Variants in SGCZ observed in about 807,000 individuals in gnomAD.
SGCZ encodes the protein zeta-sarcoglycan.
SGCZ carries 40 observed loss-of-function variants against 41.3 expected under a neutral mutation model. That is an observed-to-expected ratio of 0.97 (90% CI 0.75 to 1.26). The LOEUF (loss-of-function observed/expected upper bound fraction) is 1.26. Ranked by LOEUF, SGCZ falls within the 50% of genes most tolerant of loss-of-function variation. The pLI, the probability that SGCZ is intolerant of heterozygous loss-of-function variation, is 0.00. For synonymous variants in SGCZ, 206 were observed against 137.5 expected (o/e 1.50, Z -3.49); for missense variants, 552 against 369.8 (o/e 1.49, Z -4.04).
chr8:14,996,181 G>T (rs932274147), intron 1 of SGCZ, among the ~76,000 whole-genome samples: 1 of 152,094 alleles, frequency 6.6e-6, no homozygotes, highest in East Asian at 1.9e-4. Context: ...GGGATTACAG[G>T]CATGAGCCAC....
chr8:14,923,925 C>A (rs1247174286), intron 1 of SGCZ, among the ~76,000 whole-genome samples: 1 of 152,128 alleles, frequency 6.6e-6, no homozygotes, highest in Non-Finnish European at 1.5e-5. Flanking sequence ...TCAACAAATA[C>A]AGAAAGAAGC....
chr8:14,940,913 G>A (rs1376915331), intron 1 of SGCZ, among the ~76,000 whole-genome samples: 1 of 151,888 alleles, frequency 6.6e-6, no homozygotes, highest in Admixed American at 6.6e-5. Context: ...AGATTAATAC[G>A]AAAATGGCAT....
At chr8:15,090,642 A>T (rs1223373539) in intron 1 of SGCZ, among the ~76,000 whole-genome samples, 1 of 152,210 alleles carries the variant, frequency 6.6e-6, no homozygotes, top group African/African-American at 2.4e-5. Context: ...ATTAATCAAG[A>T]CTTCCATCTG....
At chr8:14,310,845 C>A (rs530213828) in intron 3 of SGCZ, among the ~76,000 whole-genome samples, 1 of 152,078 alleles carries the variant, frequency 6.6e-6, no homozygotes, top group Admixed American at 6.6e-5. Flanking sequence ...TTCGGAAAAA[C>A]CAGTAGTAGC....
At chr8:14,337,709 T>A (rs1038086694) in intron 2 of SGCZ, among the ~76,000 whole-genome samples, 5 of 152,090 alleles carry the variant, frequency 3.3e-5, no homozygotes, top group Non-Finnish European at 4.4e-5. Flanking sequence ...ACAGAGGACA[T>A]GCCAATTATC....
chr8:15,178,527 C>T (rs758459436), intron 1 of SGCZ, among the ~76,000 whole-genome samples: 2 of 152,144 alleles, frequency 1.3e-5, no homozygotes, highest in Non-Finnish European at 2.9e-5. Flanking sequence ...TAGAAACTAC[C>T]TGTGCCCCTT....
At chr8:14,247,859 G>C (rs1799159380) in intron 3 of SGCZ, among the ~76,000 whole-genome samples, 1 of 152,198 alleles carries the variant, frequency 6.6e-6, no homozygotes, top group Non-Finnish European at 1.5e-5. Flanking sequence ...AGGTCAAAGA[G>C]ACTGCATGTT....
intron 1 of SGCZ, among the ~76,000 whole-genome samples, chr8:14,875,045 G>C (rs1175300387): frequency 6.6e-6 from 1 of 152,110 alleles, no homozygotes; most frequent in Admixed American, 6.6e-5. Flanking sequence ...TGTGTGTATT[G>C]CTATAACAAA....
intron 1 of SGCZ, among the ~76,000 whole-genome samples, chr8:14,562,952 C>T (rs548906917): frequency 6.6e-6 from 1 of 152,140 alleles, no homozygotes; most frequent in Non-Finnish European, 1.5e-5. Flanking sequence ...GTCAACTGGG[C>T]TACCCAAAGG....
At chr8:14,829,502 G>A (rs1303204476) in intron 1 of SGCZ, among the ~76,000 whole-genome samples, 1 of 152,062 alleles carries the variant, frequency 6.6e-6, no homozygotes, top group East Asian at 1.9e-4. Context: ...ACATCAATAG[G>A]AAAGTAAGTT....
At chr8:15,034,789 A>T (rs200241424) in intron 1 of SGCZ, among the ~76,000 whole-genome samples, 4 of 40,562 alleles carry the variant, frequency 9.9e-5, no homozygotes, top group East Asian at 1.4e-3. Context: ...TTTACAGACA[A>T]GAGAGAGTGG....
At chr8:14,318,171 G>A (rs1408548403) in intron 3 of SGCZ, among the ~76,000 whole-genome samples, 2 of 151,116 alleles carry the variant, frequency 1.3e-5, no homozygotes, top group African/African-American at 4.9e-5. Flanking sequence ...AAGAAAGAAA[G>A]AAAGAAAGAA....
At chr8:14,582,339 A>G (rs184575064) in intron 1 of SGCZ, among the ~76,000 whole-genome samples, 5 of 152,088 alleles carry the variant, frequency 3.3e-5, no homozygotes, top group African/African-American at 1.2e-4. Flanking sequence ...AGCACCCCTA[A>G]CCCTGTTGTT....
At chr8:14,119,927 GGATAAACTTTTT>G (rs1802647853) in intron 5 of SGCZ, among the ~76,000 whole-genome samples, 1 of 152,092 alleles carries the variant, frequency 6.6e-6, no homozygotes, top group Admixed American at 6.5e-5. Flanking sequence ...TGATTGTGGT[GGATAAACTTTTT>G]GATGTGCTGC....
chr8:14,253,514 T>C (rs893398294), intron 3 of SGCZ, among the ~76,000 whole-genome samples: 2 of 152,122 alleles, frequency 1.3e-5, no homozygotes, highest in African/African-American at 4.8e-5. Context: ...TTTTCTCTTT[T>C]TTGACTTAAC....
intron 1 of SGCZ, among the ~76,000 whole-genome samples, chr8:14,964,207 T>C (rs1274264403): frequency 6.6e-6 from 1 of 152,172 alleles, no homozygotes; most frequent in Non-Finnish European, 1.5e-5. Context: ...TTTTTTTCTC[T>C]CACTTAGCCC....
intron 1 of SGCZ, among the ~76,000 whole-genome samples, chr8:14,723,029 T>C (rs1307174753): frequency 6.6e-6 from 1 of 152,176 alleles, no homozygotes; most frequent in African/African-American, 2.4e-5. Flanking sequence ...TTTTATTCCA[T>C]TGTTTGTTTC....
intron 1 of SGCZ, among the ~76,000 whole-genome samples, chr8:14,752,793 T>A (rs963101135): frequency 1.3e-5 from 2 of 152,148 alleles, no homozygotes; most frequent in African/African-American, 4.8e-5. Flanking sequence ...CTCAAAATGA[T>A]TTAAATTATA....
intron 1 of SGCZ, among the ~76,000 whole-genome samples, chr8:14,577,384 CTTTTTTT>C (rs57432939): frequency 8.9e-6 from 1 of 111,888 alleles, no homozygotes; most frequent in South Asian, 3.0e-4. Flanking sequence ...AGAAATATAT[CTTTTTTT>C]TTTTTTTTTT....
Sources: allele counts gnomAD v4.1 joint callset (sites outside exome capture counted in the v4.1 genomes callset), GRCh38; gene constraint gnomAD v4.1.1; transcripts MANE v1.5; gene names NCBI Gene and HGNC (gene_info 2026-07-23, HGNC 2026-07-21).